The following CAB39 variants were observed in gnomAD, a reference collection of about 807,000 sequenced individuals.
The protein encoded by CAB39 is calcium-binding protein 39.
CAB39 carries 8 observed loss-of-function variants against 40.0 expected under a neutral mutation model. That is an observed-to-expected ratio of 0.20 (90% CI 0.12 to 0.36). CAB39 has a LOEUF of 0.36. CAB39 is among the 10% of genes least tolerant of loss of function. The pLI is 1.00. For missense variants in CAB39, 270 were observed against 401.1 expected, an observed-to-expected ratio of 0.67 and a Z score of 2.79; for synonymous variants, 156 against 141.6, an observed-to-expected ratio of 1.10 and a Z score of -0.72.
intron 2 of CAB39, among the ~76,000 whole-genome samples, chr2:230,760,800 A>G (rs1695275578): frequency 6.6e-6 from 1 of 152,128 alleles, no homozygotes; most frequent in African/African-American, 2.4e-5. Context: ...TTTTCACTAA[A>G]TCTTGTTCAA....
chr2:230,742,430 C>G (rs992233315), intron 1 of CAB39, among the ~76,000 whole-genome samples: 1 of 152,166 alleles, frequency 6.6e-6, no homozygotes, highest in Non-Finnish European at 1.5e-5. Flanking sequence ...CCGCCTCGGC[C>G]TCCCACAGTG....
chr2:230,736,027 GT>G (rs938301008), intron 1 of CAB39, among the ~76,000 whole-genome samples: 1 of 152,166 alleles, frequency 6.6e-6, no homozygotes. Context: ...CATCTCTCAT[GT>G]TCACATGGGC....
chr2:230,798,962 T>A (rs1488182041), intron 5 of CAB39, 65 bp downstream of exon 5: 2 of 1,244,506 alleles, frequency 1.6e-6, no homozygotes, highest in African/African-American at 3.0e-5. Context: ...TTCTAAACCT[T>A]CATTGCCCTC....
At chr2:230,748,813 G>GAAAAAAAAA (rs759314442) in intron 1 of CAB39, among the ~76,000 whole-genome samples, 9 of 31,768 alleles carry the variant, frequency 2.8e-4, no homozygotes, top group African/African-American at 8.6e-4. Context: ...TTTCCAAAAA[G>GAAAAAAAAA]AAAAAAAAAA....
intron 2 of CAB39, among the ~76,000 whole-genome samples, chr2:230,776,677 C>G (rs1235040857): frequency 6.9e-6 from 1 of 145,716 alleles, no homozygotes; most frequent in African/African-American, 2.6e-5. Flanking sequence ...GGTGCTCTGT[C>G]TCACTTCATC....
intron 2 of CAB39, among the ~76,000 whole-genome samples, chr2:230,776,216 G>A (rs1047887375): frequency 2.0e-5 from 3 of 152,148 alleles, no homozygotes; most frequent in Admixed American, 6.5e-5. Flanking sequence ...GAGGGGGAGT[G>A]CAAGAGGTCT....
intron 8 of CAB39, 91 bp from the exon 9 acceptor site, chr2:230,818,425 A>G (rs898483879): frequency 1.3e-5 from 13 of 1,029,340 alleles, no homozygotes; most frequent in South Asian, 9.4e-5. Flanking sequence ...CCAGGAGAGC[A>G]CAGCTCTGCT....
At chr2:230,755,499 T>C (rs747563602) in intron 1 of CAB39, among the ~76,000 whole-genome samples, 5 of 152,236 alleles carry the variant, frequency 3.3e-5, no homozygotes, top group African/African-American at 4.8e-5. Context: ...ATTGGTTTTT[T>C]TCTTACTGAT....
intron 7 of CAB39, among the ~76,000 whole-genome samples, chr2:230,817,267 C>T (rs1462577631): frequency 6.6e-6 from 1 of 152,146 alleles, no homozygotes; most frequent in Non-Finnish European, 1.5e-5. Context: ...ATAACTGTGG[C>T]ATGTGCAGGG....
rs80132921 is a variant in CAB39, at chr2:230,773,561, C to T, written c.114+13446C>T. On this transcript the variant is annotated intron_variant, in intron 2 of 8. Coordinates refer to ENST00000258418, the MANE Select transcript of CAB39 (RefSeq NM_016289.4). ...TCTACTCTGTATAGGCAAGTCCACACTTGAGGATGTAGAGAAACTGCAGTG... is the reference window on the plus strand; with the variant it reads ...TCTACTCTGTATAGGCAAGTCCACATTTGAGGATGTAGAGAAACTGCAGTG... 6.5e-3 allele frequency among the ~76,000 whole-genome samples: 996 copies of T among 152,090 alleles called. 39 individuals carry two copies. In the East Asian group the frequency reaches 0.1, roughly 16 times the overall value.
intron 6 of CAB39, among the ~76,000 whole-genome samples, chr2:230,811,079 C>T (rs1696295295): frequency 6.6e-6 from 1 of 152,222 alleles, no homozygotes. Flanking sequence ...TTTAACTACA[C>T]ATCGTCGAAG....
intron 1 of CAB39, among the ~76,000 whole-genome samples, chr2:230,754,393 CTTCCCCTTCCCCTCCTTCTTCCCCTTT>C (rs1308275394): frequency 6.3e-5 from 9 of 143,330 alleles, no homozygotes; most frequent in African/African-American, 2.2e-4. Context: ...TCCCCTCCTT[CTTCCCCTTCCCCTCCTTCTTCCCCTTT>C]CCCTCCTTCT....
chr2:230,748,426 G>A (rs6717266), intron 1 of CAB39, among the ~76,000 whole-genome samples: 22,339 of 152,040 alleles, frequency 0.15, 2,435 homozygotes, highest in African/African-American at 0.31. Context: ...GTTAGCCTGC[G>A]TATCCTCTAT....
chr2:230,812,459 T>A (rs112777589), intron 6 of CAB39, among the ~76,000 whole-genome samples: 4 of 152,330 alleles, frequency 2.6e-5, no homozygotes, highest in Admixed American at 6.5e-5. Context: ...ACATACATAC[T>A]TTTCAGGCAG....
At chr2:230,754,814 C>T (rs530786862) in intron 1 of CAB39, among the ~76,000 whole-genome samples, 5 of 152,290 alleles carry the variant, frequency 3.3e-5, no homozygotes, top group East Asian at 3.9e-4. Context: ...CCACTGCGCC[C>T]GGCCTATTTG....
chr2:230,725,327 A>C (rs1013062966), intron 1 of CAB39: 1 of 1,577,692 alleles, frequency 6.3e-7, no homozygotes, highest in Non-Finnish European at 8.7e-7. Flanking sequence ...GACTTCACCA[A>C]TCCCAGCCAG....
intron 5 of CAB39, among the ~76,000 whole-genome samples, chr2:230,801,052 T>C (rs2124969191): frequency 6.6e-6 from 1 of 152,262 alleles, no homozygotes; most frequent in Non-Finnish European, 1.5e-5. Flanking sequence ...GGGTGAGCTC[T>C]GGAAGAGAGA....
chr2:230,796,969 A>G (rs921183254), intron 4 of CAB39, among the ~76,000 whole-genome samples: 2 of 152,200 alleles, frequency 1.3e-5, no homozygotes, highest in Non-Finnish European at 2.9e-5. Context: ...AGGAGATCTA[A>G]TAAGAGGAAG....
At chr2:230,799,512 A>C (rs1425852926) in intron 5 of CAB39, among the ~76,000 whole-genome samples, 2 of 152,226 alleles carry the variant, frequency 1.3e-5, no homozygotes, top group African/African-American at 2.4e-5. Context: ...TATAAATTAA[A>C]TACATACATG....
Sources: allele counts gnomAD v4.1 joint callset (sites outside exome capture counted in the v4.1 genomes callset), GRCh38; gene constraint gnomAD v4.1.1; transcripts MANE v1.5; gene names NCBI Gene and HGNC (gene_info 2026-07-23, HGNC 2026-07-21).